The following RAB33B variants were observed in gnomAD, a reference collection of about 807,000 sequenced individuals.
The protein encoded by RAB33B is RAB33B, member RAS oncogene family, also known as ras-related protein Rab-33B.
In RAB33B, 6 loss-of-function variants were observed where a neutral mutation model predicts 15.0. That is an observed-to-expected ratio of 0.40 (90% CI 0.22 to 0.79). RAB33B has a LOEUF of 0.79. Ranked by LOEUF, RAB33B falls within the 30% of genes least tolerant of loss-of-function variation. The pLI is 0.37. For missense variants in RAB33B, 257 were observed against 296.4 expected (o/e 0.87, Z 0.98); for synonymous variants, 117 against 108.3 (o/e 1.08, Z -0.50).
At chr4:139,455,376 G>A (rs1332077264) in intron 1 of RAB33B, among the ~76,000 whole-genome samples, 6 of 152,116 alleles carry the variant, frequency 3.9e-5, no homozygotes, top group East Asian at 3.8e-4. Context: ...ATCAGCGATC[G>A]TCTTTATCTC....
At chr4:139,453,541 G>A (rs1313152191), upstream of RAB33B, 1 of 152,412 alleles carries the variant, frequency 6.6e-6, no homozygotes, top group African/African-American at 2.4e-5. Flanking sequence ...AACTCCCGCA[G>A]TTCACAGAGG....
intron 1 of RAB33B, among the ~76,000 whole-genome samples, chr4:139,462,829 A>G (rs192969266): frequency 6.6e-6 from 1 of 152,344 alleles, no homozygotes; most frequent in African/African-American, 2.4e-5. Context: ...TAGCTTCCTA[A>G]GAAGACAAGT....
At chr4:139,446,522 T>C in the RAB33B span, among the ~76,000 whole-genome samples, 3 of 152,322 alleles carry the variant, frequency 2.0e-5, no homozygotes, top group East Asian at 1.9e-4. Context: ...AGAAGCATAA[T>C]TGGAAAATTG....
At chr4:139,447,284 A>G in the RAB33B span, among the ~76,000 whole-genome samples, 937 of 152,300 alleles carry the variant, frequency 6.2e-3, 7 homozygotes, top group Non-Finnish European at 8.5e-3. Context: ...GCCTGGGGCA[A>G]AGTTCTCCAG....
At chr4:139,446,795 A>T in the RAB33B span, among the ~76,000 whole-genome samples, 2 of 152,150 alleles carry the variant, frequency 1.3e-5, no homozygotes, top group Non-Finnish European at 2.9e-5. Flanking sequence ...GGGAACATGG[A>T]CTTCCACCCA....
At chr4:139,445,670 T>C in the RAB33B span, among the ~76,000 whole-genome samples, 2 of 152,152 alleles carry the variant, frequency 1.3e-5, no homozygotes, top group African/African-American at 2.4e-5. Context: ...ATTTACTGAG[T>C]GACCCGAAAG....
At chr4:139,460,143 T>C (rs77322469) in intron 1 of RAB33B, among the ~76,000 whole-genome samples, 8,322 of 151,930 alleles carry the variant, frequency 0.055, 257 homozygotes, top group East Asian at 0.1. Context: ...ATGAGTGAGG[T>C]TGTGAGTCTG....
At chr4:139,444,663 A>G in the RAB33B span, among the ~76,000 whole-genome samples, 101 of 152,158 alleles carry the variant, frequency 6.6e-4, no homozygotes, top group Non-Finnish European at 1.1e-3. Flanking sequence ...TAGTTAACAT[A>G]GGAGCTTATA....
At chr4:139,444,287 C>T in the RAB33B span, among the ~76,000 whole-genome samples, 160 of 152,184 alleles carry the variant, frequency 1.1e-3, 2 homozygotes, top group South Asian at 6.6e-3. Context: ...TATGAGCGAG[C>T]TGGAAATGCC....
At chr4:139,453,623 G>C (rs986400110), upstream of RAB33B, 1 of 152,302 alleles carries the variant, frequency 6.6e-6, no homozygotes. Context: ...TCTCTGGGGC[G>C]ACCAAACGAT....
At chr4:139,457,962 T>C (rs968312621) in intron 1 of RAB33B, among the ~76,000 whole-genome samples, 6 of 152,238 alleles carry the variant, frequency 3.9e-5, no homozygotes, top group Non-Finnish European at 7.3e-5. Context: ...AGTCCTTTTT[T>C]TAACCTCTCT....
the RAB33B span, among the ~76,000 whole-genome samples, chr4:139,443,822 T>A: frequency 6.6e-6 from 1 of 152,164 alleles, no homozygotes; most frequent in Admixed American, 6.5e-5. Flanking sequence ...GTCATCAGCC[T>A]TTCTACCTTT....
chr4:139,467,997 C>T (rs1163564310), intron 1 of RAB33B, among the ~76,000 whole-genome samples: 1 of 145,462 alleles, frequency 6.9e-6, no homozygotes, highest in Non-Finnish European at 1.5e-5. Flanking sequence ...CCATCCCCAT[C>T]TCCCCTACCC....
chr4:139,454,266 G>C lies in RAB33B; in HGVS notation c.71G>C (p.Gly24Ala). 6.2e-7 allele frequency: 1 copy of C among 1,614,194 alleles called. No homozygotes were observed. The highest frequency in any genetic ancestry group is 8.5e-7 in the Non-Finnish European group (1 of 1,180,028). The change falls in exon 1 of 2, where the codon GGG becomes GCG. Residue 24 changes from glycine to alanine, a missense_variant. Physicochemically the swap from Gly to Ala is moderately conservative, Grantham distance 60 (BLOSUM62 0). Coordinates refer to ENST00000305626, the MANE Select transcript of RAB33B (RefSeq NM_031296.3). ...SSSGAVSGAS[G>A]FLPPARSRIF... ...AGCGGGGCAGTGTCAGGGGCCTCAGGGTTTTTGCCTCCTGCCCGCTCCCGC... is the reference window on the plus strand; with the variant it reads ...AGCGGGGCAGTGTCAGGGGCCTCAGCGTTTTTGCCTCCTGCCCGCTCCCGC...
chr4:139,447,827 C>T, the RAB33B span, among the ~76,000 whole-genome samples: 5 of 151,672 alleles, frequency 3.3e-5, no homozygotes, highest in South Asian at 2.1e-4. Flanking sequence ...CCACTACGCC[C>T]GGCTAATTTT....
At chr4:139,454,693 C>T (rs1057191698) in intron 1 of RAB33B, among the ~76,000 whole-genome samples, 7 of 152,146 alleles carry the variant, frequency 4.6e-5, no homozygotes, top group African/African-American at 9.7e-5. Flanking sequence ...TTAATAATCT[C>T]GCTGATGATG....
At chr4:139,443,658 T>A in the RAB33B span, among the ~76,000 whole-genome samples, 3 of 152,340 alleles carry the variant, frequency 2.0e-5, no homozygotes, top group South Asian at 4.1e-4. Context: ...TGTCTACTGT[T>A]AAAGTGAGGG....
the RAB33B span, among the ~76,000 whole-genome samples, chr4:139,440,615 A>ATT: frequency 0.14 from 20,481 of 144,682 alleles, 1,616 homozygotes; most frequent in South Asian, 0.17. Flanking sequence ...AAATTGACCA[A>ATT]TTTTTTTTTT....
intron 1 of RAB33B, among the ~76,000 whole-genome samples, chr4:139,462,238 A>G (rs920865709): frequency 6.6e-6 from 1 of 151,852 alleles, no homozygotes; most frequent in Non-Finnish European, 1.5e-5. Flanking sequence ...TATTTTTAGT[A>G]GAGATGGGGT....
Sources: gnomAD v4.1 joint callset for allele counts (sites outside exome capture counted in the v4.1 genomes callset) on GRCh38, gnomAD v4.1.1 for gene constraint, MANE v1.5 for transcripts, NCBI Gene and HGNC (gene_info 2026-07-23, HGNC 2026-07-21) for gene names.